Variants in IGF2R observed in about 807,000 individuals in gnomAD.
IGF2R encodes cation-independent mannose-6-phosphate receptor.
Under a neutral mutation model 270.6 loss-of-function variants are expected in IGF2R, and 91 were observed. That is an observed-to-expected ratio of 0.34 (90% CI 0.28 to 0.40). The LOEUF (loss-of-function observed/expected upper bound fraction) is 0.40. Among genes scored for constraint, IGF2R ranks in the 10% least tolerant of loss-of-function variants. The pLI is 1.00. For missense variants in IGF2R, 2,805 were observed against 3,188.3 expected (o/e 0.88, Z 2.90); for synonymous variants, 1,316 against 1,258.9 (o/e 1.05, Z -0.96).
chr6:159,996,087 C>CT (rs1021065801), intron 2 of IGF2R, among the ~76,000 whole-genome samples: 1 of 151,766 alleles, frequency 6.6e-6, no homozygotes, highest in African/African-American at 2.4e-5. Flanking sequence ...GACAGAGACT[C>CT]TGAGTTTCTT....
chr6:159,996,367 T>C (rs1219202369), intron 2 of IGF2R, among the ~76,000 whole-genome samples: 1 of 152,152 alleles, frequency 6.6e-6, no homozygotes, highest in Non-Finnish European at 1.5e-5. Context: ...CTTTGTTTAA[T>C]GGGGGAAGCT....
intron 1 of IGF2R, among the ~76,000 whole-genome samples, chr6:159,980,909 A>C (rs1583239945): frequency 6.6e-6 from 1 of 152,378 alleles, no homozygotes; most frequent in Middle Eastern, 3.4e-3. Context: ...CATGAGGAGC[A>C]AAGTATGAGA....
chr6:160,047,782 C>A lies in IGF2R; in HGVS notation c.2230-10C>A. ...TTTTGCCATCCCTCCGCGCATCTGC[C>A]GTGGATTAGGAAGAGGATAACTCCA... On this transcript the variant is annotated splice_polypyrimidine_tract_variant and intron_variant, in intron 16 of 47. Transcript: ENST00000356956. 1 of 1,559,200 alleles carries A rather than the reference C, an allele frequency of 6.4e-7. No homozygotes were observed. Among genetic ancestry groups the A allele is most frequent in the Non-Finnish European group, 8.9e-7 (1 of 1,129,762 alleles).
chr6:159,975,362 C>T lies in IGF2R; in HGVS notation c.149+5967C>T, dbSNP rs139624832. Among the ~76,000 whole-genome samples the T allele has an allele frequency of 4.6e-3, 706 of 152,292 alleles. 3 individuals are homozygous for T. Among genetic ancestry groups the T allele is most frequent in the East Asian group, 0.015 (78 of 5,192 alleles). Reference sequence around the variant, plus strand: ...CGGAGCCTCTGTGACCTCCCTGGCTCACTACCCTCCAGGAATTGCCGTGCA... The same window carrying T: ...CGGAGCCTCTGTGACCTCCCTGGCTTACTACCCTCCAGGAATTGCCGTGCA... On this transcript the variant is annotated intron_variant, in intron 1 of 47. Transcript: ENST00000356956.
At chr6:160,085,161 C>G in intron 41 of IGF2R, 30 bp downstream of exon 41, 1 of 1,606,892 alleles carries the variant, frequency 6.2e-7, no homozygotes, top group Non-Finnish European at 8.5e-7. Flanking sequence ...GTCCTTGGTT[C>G]AAGGAGCAGC....
intron 37 of IGF2R, 117 bp downstream of exon 37, chr6:160,078,479 C>T (rs779299743): frequency 1.1e-6 from 1 of 939,274 alleles, no homozygotes; most frequent in Non-Finnish European, 1.6e-6. Context: ...TGTATGTGGC[C>T]ACTGGGCAGC....
chr6:160,074,038 G>T, intron 35 of IGF2R, 63 bp downstream of exon 35: 1 of 1,202,718 alleles, frequency 8.3e-7, no homozygotes, highest in South Asian at 1.3e-5. Context: ...TAACCTTTGC[G>T]TTGTTTCTTG....
At chr6:160,022,041 C>T (rs1419835837) in intron 4 of IGF2R, among the ~76,000 whole-genome samples, 5 of 151,954 alleles carry the variant, frequency 3.3e-5, no homozygotes, top group African/African-American at 1.2e-4. Flanking sequence ...CACACACACA[C>T]GTCTATCATG....
chr6:160,079,980 GT>G (rs1778942486), intron 38 of IGF2R, 148 bp from the exon 39 acceptor site: 5 of 1,072,780 alleles, frequency 4.7e-6, no homozygotes, highest in Non-Finnish European at 6.8e-6. Context: ...TGTTCTCTCA[GT>G]TGCCTGGTGA....
intron 4 of IGF2R, among the ~76,000 whole-genome samples, chr6:160,014,709 C>A (rs932439698): frequency 2.0e-5 from 3 of 152,226 alleles, no homozygotes; most frequent in Admixed American, 6.5e-5. Context: ...CACTGACTCA[C>A]TCCCCTCTTG....
intron 2 of IGF2R, among the ~76,000 whole-genome samples, chr6:159,995,420 T>C (rs946667478): frequency 1.3e-5 from 2 of 152,110 alleles, no homozygotes; most frequent in Non-Finnish European, 2.9e-5. Flanking sequence ...AAGGATTTAA[T>C]TCATTTATGT....
In IGF2R at chr6:160,072,820, C is replaced by T. The variant is rs1310818460; in HGVS notation, c.4626C>T (p.Tyr1542=). 3.1e-6 allele frequency: 5 copies of T among 1,614,064 alleles called. No homozygotes were observed. Among genetic ancestry groups the T allele is most frequent in the East Asian group, 4.5e-5 (2 of 44,900 alleles). Residue 1542 remains tyrosine, a synonymous_variant, in exon 33 of 48, where the codon TAC becomes TAT. Transcript: ENST00000356956. ...GCAGGGCGGGATTCACAGCTGCTTACAGCGAGAAGGGGTTGGTTTACATGA... is the reference window on the plus strand; with the variant it reads ...GCAGGGCGGGATTCACAGCTGCTTATAGCGAGAAGGGGTTGGTTTACATGA... ...LSGRAGFTAA[Y]SEKGLVYMSI...
At chr6:160,013,567 C>T (rs1344508026) in intron 4 of IGF2R, among the ~76,000 whole-genome samples, 1 of 152,134 alleles carries the variant, frequency 6.6e-6, no homozygotes, top group East Asian at 1.9e-4. Flanking sequence ...GTACTTTGTA[C>T]TCTCTTACCT....
intron 31 of IGF2R, among the ~76,000 whole-genome samples, chr6:160,070,869 G>A (rs1778704422): frequency 6.6e-6 from 1 of 152,216 alleles, no homozygotes; most frequent in Non-Finnish European, 1.5e-5. Flanking sequence ...GGAGCGGCAG[G>A]GAAGTTTCCT....
intron 1 of IGF2R, among the ~76,000 whole-genome samples, chr6:159,970,511 T>C (rs564576561): frequency 8.5e-5 from 13 of 152,270 alleles, no homozygotes; most frequent in African/African-American, 3.1e-4. Context: ...GTTCAGAACA[T>C]GCAGAAATTA....
At chr6:160,031,677 A>G (rs2115231943) in intron 7 of IGF2R, among the ~76,000 whole-genome samples, 1 of 152,288 alleles carries the variant, frequency 6.6e-6, no homozygotes, top group Middle Eastern at 3.4e-3. Context: ...ATTATGAGTC[A>G]AACAGAAGAG....
chr6:160,101,662 T>TAAA (rs1232082616), intron 45 of IGF2R, among the ~76,000 whole-genome samples: 1 of 152,226 alleles, frequency 6.6e-6, no homozygotes, highest in Non-Finnish European at 1.5e-5. Flanking sequence ...TCTGTTTATG[T>TAAA]GATCCTGTTC....
chr6:160,094,386 C>G lies in IGF2R; in HGVS notation c.6656-2053C>G. ...ACCTGCTGCCTTCCCTCTGGCGAGT[C>G]TGCCAGCATGCTTCTCCATCCTTTT... On this transcript the variant is annotated intron_variant, in intron 44 of 47. Coordinates refer to ENST00000356956, the MANE Select transcript of IGF2R (RefSeq NM_000876.4). 3 of 216,082 alleles carry G rather than the reference C, an allele frequency of 1.4e-5. No homozygotes were observed. The South Asian group carries it at 2.4e-4, about 17-fold the overall frequency. The allele number at this position is 216,082 out of a possible 1,614,324, so 13.4% of individuals were successfully genotyped here.
chr6:160,023,029 G>A (rs1777472786), intron 4 of IGF2R, among the ~76,000 whole-genome samples: 1 of 152,192 alleles, frequency 6.6e-6, no homozygotes, highest in South Asian at 2.1e-4. Context: ...CAGTGTAATG[G>A]GAAGCTGCTT....
Sources: allele counts gnomAD v4.1 joint callset (sites outside exome capture counted in the v4.1 genomes callset), GRCh38; gene constraint gnomAD v4.1.1; transcripts MANE v1.5; gene names NCBI Gene and HGNC (gene_info 2026-07-23, HGNC 2026-07-21).